The following ARHGAP25 variants were observed in gnomAD, a reference collection of about 807,000 sequenced individuals.
ARHGAP25 encodes rho GTPase-activating protein 25.
A neutral mutation model predicts 71.0 loss-of-function variants in ARHGAP25; 34 were observed. The observed-to-expected ratio is 0.48, with a 90% CI of 0.36 to 0.64. ARHGAP25 has a LOEUF of 0.64. Ranked by LOEUF, ARHGAP25 falls within the 30% of genes least tolerant of loss-of-function variation. The probability of loss-of-function intolerance (pLI) is 0.00; values close to 1 mark genes in which losing one functional copy is unlikely to be tolerated. For missense variants in ARHGAP25, 706 were observed against 805.1 expected, an observed-to-expected ratio of 0.88 and a Z score of 1.49; for synonymous variants, 282 against 296.5, an observed-to-expected ratio of 0.95 and a Z score of 0.50.
intron 4 of ARHGAP25, among the ~76,000 whole-genome samples, chr2:68,797,603 C>T (rs7597458): frequency 0.017 from 2,640 of 152,282 alleles, 67 homozygotes; most frequent in African/African-American, 0.06. Flanking sequence ...CAGAACGGGC[C>T]GCAAGGGTTC....
intron 10 of ARHGAP25, among the ~76,000 whole-genome samples, chr2:68,824,056 T>C (rs1260014697): frequency 2.6e-5 from 4 of 152,348 alleles, no homozygotes; most frequent in Admixed American, 6.5e-5. Flanking sequence ...AAGACTACTT[T>C]GAACCCTCAT....
At position 68,826,617 on chromosome 2, in the gene ARHGAP25, A is replaced by G. The variant is rs140470176; in HGVS notation, c.*423A>G. The G allele has an allele frequency of 6.2e-6, 2 of 323,246 alleles. No homozygotes were observed. Among genetic ancestry groups the G allele is most frequent in the Non-Finnish European group, 1.2e-5 (2 of 165,092 alleles). 20.0% of individuals were successfully genotyped at this position (323,246 alleles called of 1,614,324 possible). A position where few individuals can be genotyped will look rare whatever the true frequency, so the allele number is the denominator to read the frequency against. Reference sequence around the variant, plus strand: ...CTCTGAGACACAGGGGCAGAAAATGACATTCATCTTTTGAGTCCTCATCCA... The same window carrying G: ...CTCTGAGACACAGGGGCAGAAAATGGCATTCATCTTTTGAGTCCTCATCCA... On this transcript the variant is annotated 3_prime_UTR_variant, in exon 11 of 11. Transcript: ENST00000409202.
At chr2:68,747,159 CA>C (rs1675882013) in intron 1 of ARHGAP25, among the ~76,000 whole-genome samples, 1 of 152,076 alleles carries the variant, frequency 6.6e-6, no homozygotes, top group Admixed American at 6.5e-5. Flanking sequence ...CAGCATTTGA[CA>C]CAATCAGGCA....
upstream of ARHGAP25, among the ~76,000 whole-genome samples, chr2:68,731,734 G>A (rs78127316): frequency 9.5e-3 from 1,442 of 151,968 alleles, 29 homozygotes; most frequent in African/African-American, 0.033. Context: ...TAACTCATTT[G>A]TCAAGCCTTA....
chr2:68,721,003 T>C (rs1472947006), intron 2 of ARHGAP25, among the ~76,000 whole-genome samples: 1 of 152,200 alleles, frequency 6.6e-6, no homozygotes, highest in Non-Finnish European at 1.5e-5. Flanking sequence ...AGCCTTACTG[T>C]GGCATAATAT....
chr2:68,799,565 G>C (rs1374205271), intron 4 of ARHGAP25, among the ~76,000 whole-genome samples: 1 of 152,224 alleles, frequency 6.6e-6, no homozygotes, highest in Non-Finnish European at 1.5e-5. Context: ...ATGCTGGTAA[G>C]GGTTCCCGCG....
intron 1 of ARHGAP25, among the ~76,000 whole-genome samples, chr2:68,752,870 CAA>C (rs1676255657): frequency 4.0e-5 from 6 of 151,360 alleles, no homozygotes; most frequent in African/African-American, 2.4e-5. Flanking sequence ...AGTATATATA[CAA>C]AGAGAGAGAG....
intron 4 of ARHGAP25, among the ~76,000 whole-genome samples, chr2:68,792,044 C>T (rs762545878): frequency 1.2e-4 from 19 of 152,294 alleles, no homozygotes; most frequent in South Asian, 4.1e-4. Flanking sequence ...TGGATCTCCA[C>T]ACTGAAACCT....
At chr2:68,721,918 C>T (rs1259879372) in intron 2 of ARHGAP25, among the ~76,000 whole-genome samples, 2 of 152,204 alleles carry the variant, frequency 1.3e-5, no homozygotes, top group Non-Finnish European at 2.9e-5. Context: ...TCCTCTCACC[C>T]AGTGTGTCCA....
At chr2:68,715,772 G>C (rs1674594893) in intron 2 of ARHGAP25, among the ~76,000 whole-genome samples, 2 of 152,162 alleles carry the variant, frequency 1.3e-5, no homozygotes, top group African/African-American at 4.8e-5. Context: ...AGAACATGTT[G>C]AGTTTGGTTT....
At chr2:68,739,962 T>C (rs1675429863) in intron 1 of ARHGAP25, among the ~76,000 whole-genome samples, 1 of 152,194 alleles carries the variant, frequency 6.6e-6, no homozygotes, top group South Asian at 2.1e-4. Context: ...TAACTTTGTC[T>C]TCTTTGAGGG....
intron 9 of ARHGAP25, chr2:68,819,611 A>G (rs995489058): frequency 1.7e-6 from 1 of 592,404 alleles, no homozygotes; most frequent in Non-Finnish European, 3.0e-6. Context: ...AATACAGTCC[A>G]GAGAAGTTCA....
chr2:68,802,550 G>A (rs1680059331), intron 4 of ARHGAP25, among the ~76,000 whole-genome samples: 1 of 151,968 alleles, frequency 6.6e-6, no homozygotes, highest in Non-Finnish European at 1.5e-5. Flanking sequence ...TATTTTCAGT[G>A]CCTAGGAGAG....
intron 4 of ARHGAP25, among the ~76,000 whole-genome samples, chr2:68,805,276 C>G (rs962765832): frequency 6.6e-6 from 1 of 152,050 alleles, no homozygotes; most frequent in Non-Finnish European, 1.5e-5. Context: ...AGGTGGGTGC[C>G]AAGCCTTGAG....
At chr2:68,766,308 C>G (rs1412886011) in intron 1 of ARHGAP25, among the ~76,000 whole-genome samples, 6 of 152,220 alleles carry the variant, frequency 3.9e-5, no homozygotes, top group Non-Finnish European at 8.8e-5. Context: ...AGTTAACCAG[C>G]TACATTGTCA....
chr2:68,762,334 G>A (rs1676875982), intron 1 of ARHGAP25, among the ~76,000 whole-genome samples: 1 of 152,132 alleles, frequency 6.6e-6, no homozygotes, highest in Admixed American at 6.5e-5. Flanking sequence ...TAATGTGAAT[G>A]TACTTAATAC....
intron 3 of ARHGAP25, among the ~76,000 whole-genome samples, chr2:68,786,104 A>G (rs942778105): frequency 6.6e-6 from 1 of 152,180 alleles, no homozygotes; most frequent in Non-Finnish European, 1.5e-5. Flanking sequence ...TCATCCTGTC[A>G]TCAGGTCATC....
intron 1 of ARHGAP25, among the ~76,000 whole-genome samples, chr2:68,754,365 C>G (rs1420463175): frequency 6.6e-6 from 1 of 152,024 alleles, no homozygotes; most frequent in Non-Finnish European, 1.5e-5. Context: ...TTTTTTGAAG[C>G]CTGGTTGCTT....
At chr2:68,714,611 T>C (rs1427829792) in intron 2 of ARHGAP25, among the ~76,000 whole-genome samples, 1 of 152,180 alleles carries the variant, frequency 6.6e-6, no homozygotes, top group East Asian at 1.9e-4. Flanking sequence ...GCTTTCTCCT[T>C]TGGGCATTTA....
Sources: allele counts gnomAD v4.1 joint callset (sites outside exome capture counted in the v4.1 genomes callset), GRCh38; gene constraint gnomAD v4.1.1; transcripts MANE v1.5; gene names NCBI Gene and HGNC (gene_info 2026-07-23, HGNC 2026-07-21).